The following RNF180 variants were observed in gnomAD, a reference collection of about 807,000 sequenced individuals.
RNF180 encodes the protein E3 ubiquitin-protein ligase RNF180.
A neutral mutation model predicts 59.2 loss-of-function variants in RNF180; 38 were observed. The ratio of observed to expected loss-of-function variants is 0.64; its 90% confidence interval spans 0.50 to 0.84. RNF180 has a LOEUF of 0.84. Ranked by LOEUF, RNF180 falls within the 40% of genes least tolerant of loss-of-function variation. The probability of loss-of-function intolerance (pLI) is 0.00; values close to 1 mark genes in which losing one functional copy is unlikely to be tolerated. For missense variants in RNF180, 705 were observed against 700.9 expected, an observed-to-expected ratio of 1.01 and a Z score of -0.07; for synonymous variants, 262 against 240.3, an observed-to-expected ratio of 1.09 and a Z score of -0.84.
intron 1 of RNF180, among the ~76,000 whole-genome samples, chr5:64,195,600 T>C (rs1030766833): frequency 2.6e-5 from 4 of 152,228 alleles, no homozygotes; most frequent in Non-Finnish European, 4.4e-5. Context: ...CTAATTGATA[T>C]AAATAAGAGT....
intron 5 of RNF180, among the ~76,000 whole-genome samples, chr5:64,276,850 G>A (rs1947094): frequency 0.45 from 68,372 of 151,788 alleles, 16,834 homozygotes; most frequent in African/African-American, 0.66. Context: ...TTTTGCTTTC[G>A]AAATGTCTTA....
rs748956086 is a variant in RNF180 at position 64,214,455 on chromosome 5, A to T, written c.1129A>T (p.Arg377Trp). 6.1e-5 allele frequency: 98 copies of T among 1,613,866 alleles called. 1 individual carries two copies. In the South Asian group the frequency reaches 1.1e-3, roughly 17 times the overall value. Residue 377 changes from arginine to tryptophan, a missense_variant, in exon 4 of 8, where the codon AGG (arginine) becomes TGG (tryptophan). Physicochemically the swap from Arg to Trp is moderately radical, Grantham distance 101 (BLOSUM62 -3). Transcript: ENST00000389100. The part of the protein sequence containing the change: ...SINQRLNKRE[R>W]SKLKNLRRKQ... ...TAATCAGAGGCTTAATAAGAGAGAA[A>T]GGAGCAAGTTGAAGAATCTAAGAAG...
At chr5:64,202,499 G>T (rs1751804403) in intron 2 of RNF180, among the ~76,000 whole-genome samples, 1 of 152,082 alleles carries the variant, frequency 6.6e-6, no homozygotes, top group African/African-American at 2.4e-5. Context: ...TTTAATATAT[G>T]CATAGGAATG....
chr5:64,318,355 G>T (rs1164691077), intron 5 of RNF180, among the ~76,000 whole-genome samples: 1 of 152,266 alleles, frequency 6.6e-6, no homozygotes, highest in Admixed American at 6.5e-5. Context: ...TATATACAAA[G>T]TGGATATACT....
intron 5 of RNF180, among the ~76,000 whole-genome samples, chr5:64,273,220 A>G (rs1365139586): frequency 1.3e-5 from 2 of 151,954 alleles, no homozygotes; most frequent in Non-Finnish European, 2.9e-5. Flanking sequence ...ATACGGTCTA[A>G]AAAGGGAAGG....
At chr5:64,326,681 G>C (rs1274814018) in intron 6 of RNF180, among the ~76,000 whole-genome samples, 2 of 152,120 alleles carry the variant, frequency 1.3e-5, no homozygotes, top group African/African-American at 4.8e-5. Flanking sequence ...CTTGGTCATA[G>C]TGTATCATCT....
At chr5:64,226,273 G>T (rs1741751259) in intron 5 of RNF180, among the ~76,000 whole-genome samples, 1 of 152,162 alleles carries the variant, frequency 6.6e-6, no homozygotes, top group Admixed American at 6.5e-5. Flanking sequence ...CTGTGTCTGT[G>T]TAGAAAGAAG....
chr5:64,196,089 G>T (rs1245576523), intron 1 of RNF180, among the ~76,000 whole-genome samples: 1 of 151,886 alleles, frequency 6.6e-6, no homozygotes, highest in Non-Finnish European at 1.5e-5. Flanking sequence ...AACTGATATT[G>T]AATAAAACAA....
intron 7 of RNF180, among the ~76,000 whole-genome samples, chr5:64,347,883 T>C (rs997928904): frequency 6.6e-6 from 1 of 152,076 alleles, no homozygotes; most frequent in African/African-American, 2.4e-5. Flanking sequence ...ATGAAGTGGT[T>C]TTTGTTGGCA....
intron 4 of RNF180, 103 bp downstream of exon 4, chr5:64,214,620 A>G (rs1404682705): frequency 7.9e-6 from 8 of 1,017,058 alleles, no homozygotes; most frequent in Non-Finnish European, 1.1e-5. Flanking sequence ...ACTTGGTTTT[A>G]GTAATTCTGG....
intron 5 of RNF180, among the ~76,000 whole-genome samples, chr5:64,284,705 G>T (rs1200736489): frequency 2.0e-5 from 3 of 152,108 alleles, no homozygotes; most frequent in Non-Finnish European, 2.9e-5. Context: ...TCTTAAAAGG[G>T]CCATTTCATC....
intron 5 of RNF180, among the ~76,000 whole-genome samples, chr5:64,275,494 C>G (rs1741664930): frequency 6.6e-6 from 1 of 151,322 alleles, no homozygotes; most frequent in Admixed American, 6.6e-5. Context: ...GAATGAATGA[C>G]AGTCCACAAA....
At chr5:64,198,388 A>T (rs1297989246) in intron 1 of RNF180, among the ~76,000 whole-genome samples, 2 of 152,188 alleles carry the variant, frequency 1.3e-5, no homozygotes, top group African/African-American at 4.8e-5. Context: ...GAAATTGAAA[A>T]TACTGGTTTA....
chr5:64,352,508 A>G (rs1027638005), intron 7 of RNF180, among the ~76,000 whole-genome samples: 7 of 151,882 alleles, frequency 4.6e-5, no homozygotes, highest in Non-Finnish European at 7.4e-5. Flanking sequence ...TGTCAATTTT[A>G]GATCTTTCCT....
chr5:64,208,546 T>C (rs1212838328), intron 2 of RNF180, among the ~76,000 whole-genome samples: 2 of 149,660 alleles, frequency 1.3e-5, no homozygotes, highest in African/African-American at 4.9e-5. Flanking sequence ...TAATAGTTGA[T>C]ACATCCTCTT....
chr5:64,309,418 G>T (rs1372038616), intron 5 of RNF180, among the ~76,000 whole-genome samples: 1 of 151,510 alleles, frequency 6.6e-6, no homozygotes, highest in Non-Finnish European at 1.5e-5. Flanking sequence ...ATTTAGATTT[G>T]TTTTATATAT....
intron 5 of RNF180, among the ~76,000 whole-genome samples, chr5:64,250,893 A>G (rs758686667): frequency 3.3e-5 from 5 of 152,178 alleles, no homozygotes; most frequent in Non-Finnish European, 7.3e-5. Flanking sequence ...CCAGACAGAC[A>G]CACTACAATA....
intron 6 of RNF180, among the ~76,000 whole-genome samples, chr5:64,329,595 C>T (rs1744804552): frequency 6.6e-6 from 1 of 151,872 alleles, no homozygotes; most frequent in Admixed American, 6.6e-5. Context: ...GTAGCTGGGA[C>T]TGCAGGTGCC....
intron 5 of RNF180, among the ~76,000 whole-genome samples, chr5:64,272,648 G>A (rs370057609): frequency 2.6e-5 from 4 of 152,120 alleles, no homozygotes; most frequent in Admixed American, 1.3e-4. Context: ...GGATGGTAAC[G>A]AAAATTAATA....
Sources: gnomAD v4.1 joint callset for allele counts (sites outside exome capture counted in the v4.1 genomes callset) on GRCh38, gnomAD v4.1.1 for gene constraint, MANE v1.5 for transcripts, NCBI Gene and HGNC (gene_info 2026-07-23, HGNC 2026-07-21) for gene names.